The following MAML2 variants were observed in gnomAD, a reference collection of about 807,000 sequenced individuals.
The protein encoded by MAML2 is mastermind like transcriptional coactivator 2.
MAML2 carries 22 observed loss-of-function variants against 96.1 expected under a neutral mutation model. The observed-to-expected ratio is 0.23, with a 90% CI of 0.16 to 0.33. MAML2 has a LOEUF of 0.33. Ranked by LOEUF, MAML2 falls within the 10% of genes least tolerant of loss-of-function variation. The pLI, the probability that MAML2 is intolerant of heterozygous loss-of-function variation, is 1.00. For missense variants in MAML2, 1,367 were observed against 1,392.4 expected (o/e 0.98, Z 0.29); for synonymous variants, 561 against 521.3 (o/e 1.08, Z -1.04).
rs115251637 is a variant in MAML2, at chr11:96,206,801, C to T, written c.514-113284G>A. Among the ~76,000 whole-genome samples the T allele has an allele frequency of 2.4e-3, 372 of 152,082 alleles. 2 individuals are homozygous for T. The highest frequency in any genetic ancestry group is 8.6e-3 in the African/African-American group (358 of 41,460). On this transcript the variant is annotated intron_variant, in intron 1 of 4. Coordinates refer to ENST00000524717, the MANE Select transcript of MAML2 (RefSeq NM_032427.4). ...TGGATTTTGGAGCAGCCCTGCAACT[C>T]CATATTATTATTTATCAAATACTTT...
chr11:96,116,291 TC>T (rs1192565731), intron 1 of MAML2, among the ~76,000 whole-genome samples: 15 of 152,300 alleles, frequency 9.8e-5, no homozygotes, highest in African/African-American at 2.9e-4. Context: ...CTGGGTGGGT[TC>T]TTAAATGGAC....
intron 1 of MAML2, among the ~76,000 whole-genome samples, chr11:96,210,894 T>C (rs1401981728): frequency 6.6e-6 from 1 of 152,208 alleles, no homozygotes; most frequent in Non-Finnish European, 1.5e-5. Flanking sequence ...AATTGTTAAT[T>C]ATAAATTCCA....
chr11:96,311,932 TC>T (rs1591126767), intron 1 of MAML2, among the ~76,000 whole-genome samples: 1 of 152,094 alleles, frequency 6.6e-6, no homozygotes, highest in East Asian at 1.9e-4. Context: ...CTGATAAAGA[TC>T]TATGTAGCTA....
chr11:96,338,620 T>G (rs1390768501), intron 1 of MAML2, among the ~76,000 whole-genome samples: 1 of 152,228 alleles, frequency 6.6e-6, no homozygotes, highest in African/African-American at 2.4e-5. Flanking sequence ...CTAGAAGGTA[T>G]GCAGGATACA....
intron 2 of MAML2, among the ~76,000 whole-genome samples, chr11:96,007,581 A>G (rs917750001): frequency 2.6e-5 from 4 of 152,286 alleles, no homozygotes; most frequent in Middle Eastern, 3.4e-3. Context: ...TTTTAAGAAT[A>G]TGAACTGTTT....
At chr11:96,310,295 C>T (rs1042005733) in intron 1 of MAML2, among the ~76,000 whole-genome samples, 1 of 151,706 alleles carries the variant, frequency 6.6e-6, no homozygotes, top group Non-Finnish European at 1.5e-5. Context: ...CAACATAAAA[C>T]GTTAAAAATT....
intron 1 of MAML2, among the ~76,000 whole-genome samples, chr11:96,139,233 T>G (rs1462119384): frequency 2.6e-5 from 4 of 152,204 alleles, no homozygotes; most frequent in Non-Finnish European, 5.9e-5. Context: ...ATCCCAGCAC[T>G]GTGGGAGGCC....
chr11:95,987,951 C>T (rs1857853845), intron 3 of MAML2, among the ~76,000 whole-genome samples: 1 of 152,052 alleles, frequency 6.6e-6, no homozygotes, highest in African/African-American at 2.4e-5. Context: ...TCCATGAACC[C>T]AAATGTGGTG....
chr11:96,282,134 A>AGG (rs1451864250), intron 1 of MAML2, among the ~76,000 whole-genome samples: 24 of 151,972 alleles, frequency 1.6e-4, no homozygotes, highest in African/African-American at 5.1e-4. Context: ...CTGTAGTCCA[A>AGG]GCTACTCGGG....
rs1863968135 is a variant in MAML2 at position 96,339,812 on chromosome 11, AC to A, written c.513+1570del. ...GAGCGATTCTTTACCCCCCTCCTTTACCCTAACATCTCTTTTTTCACAAAAC... is the reference window on the plus strand; with the variant it reads ...GAGCGATTCTTTACCCCCCTCCTTTACCTAACATCTCTTTTTTCACAAAAC... On this transcript the variant is annotated intron_variant, in intron 1 of 4. Transcript: ENST00000524717. Among the ~76,000 whole-genome samples the A allele has an allele frequency of 2.0e-5, 3 of 151,888 alleles. No individual in the cohort carries two copies. In the South Asian group the frequency reaches 6.2e-4, roughly 31 times the overall value.
At chr11:96,083,741 T>C (rs944177945) in intron 2 of MAML2, among the ~76,000 whole-genome samples, 7 of 152,128 alleles carry the variant, frequency 4.6e-5, no homozygotes, top group Non-Finnish European at 1.0e-4. Context: ...CCCTGCAACA[T>C]AGTAGATGTG....
intron 1 of MAML2, among the ~76,000 whole-genome samples, chr11:96,115,884 C>A (rs1860228607): frequency 6.6e-6 from 1 of 152,068 alleles, no homozygotes. Context: ...TGTTCGGATC[C>A]CATCTTAGTG....
intron 2 of MAML2, among the ~76,000 whole-genome samples, chr11:96,020,290 C>T (rs972900612): frequency 6.6e-6 from 1 of 152,184 alleles, no homozygotes; most frequent in African/African-American, 2.4e-5. Flanking sequence ...TGAAAAGCAA[C>T]TCTCTTCTGC....
intron 1 of MAML2, among the ~76,000 whole-genome samples, chr11:96,113,377 T>C (rs10831485): frequency 0.91 from 138,828 of 152,108 alleles, 63,451 homozygotes; most frequent in East Asian, 1. Flanking sequence ...TTTATGCCCT[T>C]AGGCAGACAT....
chr11:96,336,298 T>G (rs1028148083), intron 1 of MAML2, among the ~76,000 whole-genome samples: 15 of 152,202 alleles, frequency 9.9e-5, no homozygotes, highest in African/African-American at 3.4e-4. Flanking sequence ...TTAAAAAGCC[T>G]TGTACATTCT....
At chr11:96,208,324 A>T (rs11603419) in intron 1 of MAML2, among the ~76,000 whole-genome samples, 2,037 of 152,292 alleles carry the variant, frequency 0.013, 52 homozygotes, top group African/African-American at 0.047. Context: ...CAGTGTTGTG[A>T]GATACAAACC....
intron 1 of MAML2, among the ~76,000 whole-genome samples, chr11:96,096,975 G>GC (rs1167095658): frequency 6.6e-6 from 1 of 151,152 alleles, no homozygotes; most frequent in Non-Finnish European, 1.5e-5. Context: ...GATAGGCTGT[G>GC]CCCTGCCTTC....
At chr11:96,208,462 G>A (rs1371762908) in intron 1 of MAML2, among the ~76,000 whole-genome samples, 3 of 152,126 alleles carry the variant, frequency 2.0e-5, no homozygotes, top group Admixed American at 6.5e-5. Flanking sequence ...ACAAACAGAA[G>A]TATTTTTCTT....
intron 1 of MAML2, among the ~76,000 whole-genome samples, chr11:96,180,980 G>T (rs1168446894): frequency 6.6e-6 from 1 of 151,260 alleles, no homozygotes; most frequent in Non-Finnish European, 1.5e-5. Flanking sequence ...GTCGCAAGGT[G>T]CTCAGTGGGG....
Sources: allele counts gnomAD v4.1 joint callset (sites outside exome capture counted in the v4.1 genomes callset), GRCh38; gene constraint gnomAD v4.1.1; transcripts MANE v1.5; gene names NCBI Gene and HGNC (gene_info 2026-07-23, HGNC 2026-07-21).